The following EPHA6 variants were observed in gnomAD, a reference collection of about 807,000 sequenced individuals.
EPHA6 encodes the protein EPH receptor A6.
EPHA6 carries 50 observed loss-of-function variants against 112.0 expected under a neutral mutation model. That is an observed-to-expected ratio of 0.45 (90% CI 0.36 to 0.56). The LOEUF (loss-of-function observed/expected upper bound fraction) is 0.56. Among genes scored for constraint, EPHA6 ranks in the 20% least tolerant of loss-of-function variants. The pLI, the probability that EPHA6 is intolerant of heterozygous loss-of-function variation, is 0.00. For synonymous variants in EPHA6, 529 were observed against 490.7 expected (o/e 1.08, Z -1.03); for missense variants, 1,280 against 1,417.4 (o/e 0.90, Z 1.56).
At chr3:97,385,468 C>T (rs947915712) in intron 5 of EPHA6, among the ~76,000 whole-genome samples, 17 of 152,086 alleles carry the variant, frequency 1.1e-4, no homozygotes, top group South Asian at 4.1e-4. Context: ...GGAAAAATTA[C>T]ACAGAGATAA....
intron 2 of EPHA6, among the ~76,000 whole-genome samples, chr3:96,950,485 T>G (rs950514319): frequency 3.3e-5 from 5 of 152,172 alleles, no homozygotes; most frequent in Non-Finnish European, 5.9e-5. Context: ...AGTCAGGAAC[T>G]GTGTCTTTTT....
At chr3:97,159,971 C>G (rs2076374622) in intron 3 of EPHA6, among the ~76,000 whole-genome samples, 1 of 152,158 alleles carries the variant, frequency 6.6e-6, no homozygotes, top group Non-Finnish European at 1.5e-5. Context: ...ACTAGCTGAT[C>G]ACCCTGAGGA....
intron 7 of EPHA6, among the ~76,000 whole-genome samples, chr3:97,455,019 C>T (rs1399003705): frequency 6.6e-6 from 1 of 151,914 alleles, no homozygotes. Context: ...GCAGCCATAG[C>T]CATCTAAATG....
At chr3:97,229,762 A>G (rs2078469000) in intron 4 of EPHA6, among the ~76,000 whole-genome samples, 9 of 152,140 alleles carry the variant, frequency 5.9e-5, no homozygotes, top group Admixed American at 5.2e-4. Context: ...CACATTTAAT[A>G]AAAATGTAAT....
chr3:97,350,824 GA>G (rs59867594), intron 5 of EPHA6, among the ~76,000 whole-genome samples: 2 of 150,602 alleles, frequency 1.3e-5, no homozygotes, highest in East Asian at 1.9e-4. Context: ...AAGCCCTCAA[GA>G]AAAAAAAATA....
At chr3:97,450,205 G>C (rs1357429321) in intron 7 of EPHA6, among the ~76,000 whole-genome samples, 1 of 151,942 alleles carries the variant, frequency 6.6e-6, no homozygotes, top group East Asian at 1.9e-4. Flanking sequence ...AATATCAAAA[G>C]ATTTGTCCCT....
chr3:97,461,145 G>T (rs977274026), intron 7 of EPHA6, among the ~76,000 whole-genome samples: 8 of 152,090 alleles, frequency 5.3e-5, no homozygotes, highest in African/African-American at 1.7e-4. Context: ...CCTGACTTTG[G>T]TCTTGAAGAA....
intron 5 of EPHA6, among the ~76,000 whole-genome samples, chr3:97,330,476 T>A (rs1267745022): frequency 6.6e-6 from 1 of 152,216 alleles, no homozygotes; most frequent in Admixed American, 6.6e-5. Context: ...CATTTATTTG[T>A]ATCCTCTTTT....
At chr3:97,366,582 C>G (rs1279709924) in intron 5 of EPHA6, among the ~76,000 whole-genome samples, 1 of 151,392 alleles carries the variant, frequency 6.6e-6, no homozygotes, top group African/African-American at 2.4e-5. Flanking sequence ...AAATTAATAG[C>G]ACATCACCAT....
intron 5 of EPHA6, among the ~76,000 whole-genome samples, chr3:97,299,183 ATGTGTGTG>A (rs34282025): frequency 2.1e-5 from 3 of 144,510 alleles, no homozygotes; most frequent in Admixed American, 6.9e-5. Context: ...GATGATCAGG[ATGTGTGTG>A]TGTGTGTGTG....
At chr3:97,422,791 C>A (rs916620474) in intron 6 of EPHA6, among the ~76,000 whole-genome samples, 1 of 152,066 alleles carries the variant, frequency 6.6e-6, no homozygotes, top group Non-Finnish European at 1.5e-5. Flanking sequence ...AAACAAGTAC[C>A]ACATCAAATA....
At chr3:96,817,974 C>A (rs896145258) in intron 1 of EPHA6, among the ~76,000 whole-genome samples, 1 of 151,830 alleles carries the variant, frequency 6.6e-6, no homozygotes, top group South Asian at 2.1e-4. Context: ...CTCCTTGAAT[C>A]GATCAGAAAG....
intron 14 of EPHA6, among the ~76,000 whole-genome samples, chr3:97,685,909 A>G (rs1266359444): frequency 6.6e-6 from 1 of 152,178 alleles, no homozygotes; most frequent in Non-Finnish European, 1.5e-5. Context: ...TCAAGTCCAC[A>G]TCTTACTATT....
At chr3:97,305,698 C>CA (rs2081288902) in intron 5 of EPHA6, among the ~76,000 whole-genome samples, 1 of 151,898 alleles carries the variant, frequency 6.6e-6, no homozygotes, top group African/African-American at 2.4e-5. Flanking sequence ...AGGGGAACAA[C>CA]ACACACTGGG....
At chr3:97,731,707 G>A (rs1016994327) in intron 15 of EPHA6, among the ~76,000 whole-genome samples, 1 of 151,998 alleles carries the variant, frequency 6.6e-6, no homozygotes, top group Non-Finnish European at 1.5e-5. Context: ...TAGGTAAACT[G>A]TGTTAAAACA....
intron 14 of EPHA6, among the ~76,000 whole-genome samples, chr3:97,673,652 C>T (rs1455152835): frequency 4.6e-5 from 7 of 152,176 alleles, no homozygotes; most frequent in African/African-American, 1.7e-4. Flanking sequence ...AAGAAGCCCT[C>T]TCTATCAGGG....
intron 3 of EPHA6, among the ~76,000 whole-genome samples, chr3:97,063,687 T>C (rs1006670845): frequency 3.9e-5 from 6 of 152,062 alleles, no homozygotes; most frequent in African/African-American, 1.4e-4. Context: ...TCTGTACATA[T>C]ACTCTGGAAT....
intron 5 of EPHA6, among the ~76,000 whole-genome samples, chr3:97,328,549 A>AT (rs1576986023): frequency 6.6e-6 from 1 of 150,992 alleles, no homozygotes; most frequent in African/African-American, 2.4e-5. Context: ...ATTGTTTTTT[A>AT]TTTTTTTCAC....
chr3:97,516,961 G>T (rs2092457238), intron 10 of EPHA6, among the ~76,000 whole-genome samples: 1 of 151,952 alleles, frequency 6.6e-6, no homozygotes, highest in East Asian at 1.9e-4. Flanking sequence ...TTATGTACTA[G>T]GTGCTGTGGA....
Sources: allele counts gnomAD v4.1 joint callset (sites outside exome capture counted in the v4.1 genomes callset), GRCh38; gene constraint gnomAD v4.1.1; transcripts MANE v1.5; gene names NCBI Gene and HGNC (gene_info 2026-07-23, HGNC 2026-07-21).